Variants in KCNJ6 observed in about 807,000 individuals in gnomAD.
The protein encoded by KCNJ6 is G protein-activated inward rectifier potassium channel 2.
A neutral mutation model predicts 34.2 loss-of-function variants in KCNJ6; 9 were observed. The observed-to-expected ratio is 0.26, with a 90% CI of 0.16 to 0.46. The LOEUF is 0.46. Ranked by LOEUF, KCNJ6 falls within the 20% of genes least tolerant of loss-of-function variation. The probability of loss-of-function intolerance (pLI) is 1.00; values close to 1 mark genes in which losing one functional copy is unlikely to be tolerated. For synonymous variants in KCNJ6, 196 were observed against 207.1 expected (o/e 0.95, Z 0.46); for missense variants, 236 against 531.3 (o/e 0.44, Z 5.46).
intron 3 of KCNJ6, among the ~76,000 whole-genome samples, chr21:37,704,214 C>T (rs927303037): frequency 1.4e-5 from 2 of 137,986 alleles, no homozygotes; most frequent in Non-Finnish European, 3.3e-5. Flanking sequence ...CCATCCGTGT[C>T]GGACCTCACG....
Position 37,714,149 on chromosome 21 carries a change from A to G in KCNJ6, c.946+62T>C. 1.7e-6 allele frequency: 2 copies of G among 1,149,510 alleles called. No individual in the cohort carries two copies. Among genetic ancestry groups the G allele is most frequent in the South Asian group, 1.4e-5 (1 of 71,304 alleles). 71.2% of individuals were successfully genotyped at this position (1,149,510 alleles called of 1,614,324 possible). A position where few individuals can be genotyped will look rare whatever the true frequency, so the allele number is the denominator to read the frequency against. On this transcript the variant is annotated intron_variant, in intron 3 of 3. Coordinates refer to ENST00000609713, the MANE Select transcript of KCNJ6 (RefSeq NM_002240.5). This position sits in a 1 kb window ranked among gnomAD's most constrained non-coding sequence, Gnocchi z 5.9. The stretch of plus-strand genomic sequence containing the variant: ...TCTAGATCTTGTAATAGATAAGAAC[A>G]TCAGGTCCAGTTTAAAATGAGCATC...
intron 2 of KCNJ6, among the ~76,000 whole-genome samples, chr21:37,749,071 C>T (rs1456763436): frequency 6.6e-6 from 1 of 152,116 alleles, no homozygotes; most frequent in Non-Finnish European, 1.5e-5. Flanking sequence ...AATAAACACA[C>T]CTATGCATGC....
chr21:37,772,086 C>G (rs1568842970), intron 2 of KCNJ6, among the ~76,000 whole-genome samples: 1 of 152,154 alleles, frequency 6.6e-6, no homozygotes, highest in Non-Finnish European at 1.5e-5. Flanking sequence ...ATCTTATTAG[C>G]TTGCCTTTTA....
rs2054659961 is a variant in KCNJ6, at chr21:37,695,516, G to A, written c.946+18695C>T. ...TTAAGAGCTGGGTCTGAGACTTCTG[G>A]AAGAATGCAGGAGCTGTGACTTTAT... On this transcript the variant is annotated intron_variant, in intron 3 of 3. Transcript: ENST00000609713. This position sits in a 1 kb window ranked among gnomAD's most constrained non-coding sequence, Gnocchi z 4.2. Among the ~76,000 whole-genome samples, 1 of 152,180 alleles carries A rather than the reference G, an allele frequency of 6.6e-6. No homozygotes were observed. Among genetic ancestry groups the A allele is most frequent in the Admixed American group, 6.5e-5 (1 of 15,282 alleles).
At chr21:37,892,905 T>G (rs548237223) in intron 1 of KCNJ6, among the ~76,000 whole-genome samples, 153 of 150,228 alleles carry the variant, frequency 1.0e-3, no homozygotes, top group Middle Eastern at 3.4e-3. Context: ...CAGGCTGGAA[T>G]GCAGTGGTGT....
intron 2 of KCNJ6, among the ~76,000 whole-genome samples, chr21:37,833,397 T>C (rs887379533): frequency 6.6e-6 from 1 of 152,126 alleles, no homozygotes; most frequent in Admixed American, 6.5e-5. Context: ...CAGAGTGGAA[T>C]TGTGCCCCCT....
chr21:37,723,668 A>C (rs2054838501), intron 2 of KCNJ6, among the ~76,000 whole-genome samples: 1 of 152,198 alleles, frequency 6.6e-6, no homozygotes, highest in South Asian at 2.1e-4. Context: ...AGGAACAGAA[A>C]ACCAAATACT....
At chr21:37,667,893 A>G (rs2054524067) in intron 3 of KCNJ6, among the ~76,000 whole-genome samples, 2 of 138,458 alleles carry the variant, frequency 1.4e-5, no homozygotes, top group Non-Finnish European at 3.1e-5. Context: ...GACTCTGGGC[A>G]CAGAGAAGCA....
intron 2 of KCNJ6, among the ~76,000 whole-genome samples, chr21:37,792,078 A>G (rs77252184): frequency 0.017 from 2,596 of 152,350 alleles, 76 homozygotes; most frequent in African/African-American, 0.057. Context: ...TGGTCTATTT[A>G]ATTGCTAACG....
intron 3 of KCNJ6, among the ~76,000 whole-genome samples, chr21:37,657,394 A>AC (rs1240473469): frequency 6.6e-6 from 1 of 151,684 alleles, no homozygotes; most frequent in Admixed American, 6.6e-5. Context: ...GGCCCTGAAA[A>AC]CCTTAGGGGT....
Position 37,619,784 on chromosome 21 carries a change from C to G in KCNJ6, c.*5375G>C, listed in dbSNP as rs998990656. ...TGGCAGCCTGAGCTATGTACATCAT[C>G]CAACGCCTGAGGGTGCCACTGAAGC... On this transcript the variant is annotated 3_prime_UTR_variant, in exon 4 of 4. Coordinates refer to ENST00000609713, the MANE Select transcript of KCNJ6 (RefSeq NM_002240.5). 2 of 152,260 alleles carry G rather than the reference C, an allele frequency of 1.3e-5. No homozygotes were observed. The highest frequency in any genetic ancestry group is 2.9e-5 in the Non-Finnish European group (2 of 68,066). 9.4% of individuals were successfully genotyped at this position (152,260 alleles called of 1,614,324 possible).
intron 1 of KCNJ6, among the ~76,000 whole-genome samples, chr21:37,899,460 T>A (rs2123643530): frequency 6.6e-6 from 1 of 152,308 alleles, no homozygotes; most frequent in East Asian, 1.9e-4. Context: ...TTTCTCCAGC[T>A]CTCTTGTCTC....
At chr21:37,868,073 G>A (rs1267773689) in intron 1 of KCNJ6, among the ~76,000 whole-genome samples, 1 of 152,220 alleles carries the variant, frequency 6.6e-6, no homozygotes, top group Non-Finnish European at 1.5e-5. Flanking sequence ...GGAGAATGAA[G>A]TTGAAGGCCA....
intron 1 of KCNJ6, among the ~76,000 whole-genome samples, chr21:37,865,814 G>C (rs968704980): frequency 1.3e-5 from 2 of 152,202 alleles, no homozygotes; most frequent in Non-Finnish European, 2.9e-5. Flanking sequence ...ACAAAGAAGT[G>C]TTGGATTTAA....
chr21:37,714,768 G>C lies in KCNJ6; in HGVS notation c.389C>G (p.Thr130Ser). Reference sequence around the variant, plus strand: ...CCCGTTGAGGTTGGTAACACAAGGAGTCCAGGAGGGGTCCTCTATGTGGTC... The same window carrying C: ...CCCGTTGAGGTTGGTAACACAAGGACTCCAGGAGGGGTCCTCTATGTGGTC... ...DMDHIEDPSW[T>S]PCVTNLNGFV... The change falls in exon 3 of 4, where the codon ACT (threonine) becomes AGT (serine). Residue 130 changes from threonine (T) to serine (S), a missense_variant. Thr to Ser is a moderately conservative substitution (Grantham distance 58). Around this residue, in one of 5 missense-constraint regions of KCNJ6, gnomAD observed 68 missense variants for 165.7 expected, o/e 0.41. Coordinates refer to ENST00000609713, the MANE Select transcript of KCNJ6 (RefSeq NM_002240.5). The surrounding 1 kb of genome is among the most constrained non-coding windows in gnomAD (Gnocchi z 5.9). 1.2e-6 allele frequency: 2 copies of C among 1,614,194 alleles called. No homozygotes were observed. Among genetic ancestry groups the C allele is most frequent in the Non-Finnish European group, 1.7e-6 (2 of 1,180,026 alleles).
At chr21:37,635,027 A>T (rs1054578067) in intron 3 of KCNJ6, among the ~76,000 whole-genome samples, 9 of 151,774 alleles carry the variant, frequency 5.9e-5, no homozygotes, top group Admixed American at 2.6e-4. Context: ...AAAGTGTGGG[A>T]TTACAGGCAT....
intron 2 of KCNJ6, among the ~76,000 whole-genome samples, chr21:37,833,027 T>C (rs1427197652): frequency 1.3e-5 from 2 of 151,364 alleles, no homozygotes; most frequent in Non-Finnish European, 2.9e-5. Flanking sequence ...CTTTTCTTTT[T>C]TTTTGAGATG....
At chr21:37,720,478 C>T (rs1434236377) in intron 2 of KCNJ6, among the ~76,000 whole-genome samples, 2 of 150,292 alleles carry the variant, frequency 1.3e-5, no homozygotes, top group Admixed American at 6.7e-5. Context: ...GTCAGCTATC[C>T]CTGTAACTGT....
intron 1 of KCNJ6, among the ~76,000 whole-genome samples, chr21:37,845,532 TAGGTGG>T (rs2055502475): frequency 6.6e-6 from 1 of 152,186 alleles, no homozygotes; most frequent in South Asian, 2.1e-4. Context: ...GAAGTGGGGA[TAGGTGG>T]AATTTGCACT....
Sources: allele counts gnomAD v4.1 joint callset (sites outside exome capture counted in the v4.1 genomes callset), GRCh38; gene constraint gnomAD v4.1.1; regional missense constraint gnomAD v4.1.1; non-coding constraint Gnocchi (gnomAD v3.1); transcripts MANE v1.5; gene names NCBI Gene and HGNC (gene_info 2026-07-23, HGNC 2026-07-21).